The following TMEM232 variants were observed in gnomAD, a reference collection of about 807,000 sequenced individuals.
The protein encoded by TMEM232 is transmembrane protein 232.
In TMEM232, 80 loss-of-function variants were observed where a neutral mutation model predicts 78.8. The observed-to-expected ratio is 1.01, with a 90% CI of 0.85 to 1.22. The LOEUF is 1.22. TMEM232 is among the 50% of genes most tolerant of loss of function. The pLI is 0.00. For missense variants in TMEM232, 881 were observed against 742.2 expected (o/e 1.19, Z -2.17); for synonymous variants, 297 against 254.3 (o/e 1.17, Z -1.60).
intron 2 of TMEM232, among the ~76,000 whole-genome samples, chr5:110,660,963 A>G (rs1789697907): frequency 6.6e-6 from 1 of 152,174 alleles, no homozygotes; most frequent in Non-Finnish European, 1.5e-5. Flanking sequence ...TGTTGTCCCC[A>G]TTAACCAACC....
chr5:110,432,002 G>A (rs1401707300), intron 12 of TMEM232, among the ~76,000 whole-genome samples: 1 of 151,702 alleles, frequency 6.6e-6, no homozygotes. Context: ...AATACTTTAA[G>A]TATTTAAAAA....
chr5:110,620,989 A>AT (rs1783673126), intron 7 of TMEM232, among the ~76,000 whole-genome samples: 1 of 150,310 alleles, frequency 6.7e-6, no homozygotes, highest in Non-Finnish European at 1.5e-5. Flanking sequence ...CAGCCTGCCA[A>AT]GTAGCTGGGA....
At chr5:110,457,585 A>C (rs1303040359) in intron 12 of TMEM232, among the ~76,000 whole-genome samples, 2 of 152,236 alleles carry the variant, frequency 1.3e-5, no homozygotes, top group African/African-American at 4.8e-5. Context: ...ATCAAAAAAA[A>C]CTGGAAATCA....
At chr5:110,398,287 T>A (rs1353629963) in intron 2 of TMEM232, among the ~76,000 whole-genome samples, 3 of 152,140 alleles carry the variant, frequency 2.0e-5, no homozygotes, top group Non-Finnish European at 4.4e-5. Context: ...CTAATGTGTA[T>A]AACAAACCTC....
chr5:110,594,027 T>C (rs975952635), intron 10 of TMEM232, among the ~76,000 whole-genome samples: 10 of 152,062 alleles, frequency 6.6e-5, no homozygotes, highest in Non-Finnish European at 1.2e-4. Context: ...GATGGCCGAA[T>C]AGGAACAGCT....
At chr5:110,492,659 T>C (rs1460242456) in intron 12 of TMEM232, among the ~76,000 whole-genome samples, 1 of 151,910 alleles carries the variant, frequency 6.6e-6, no homozygotes, top group African/African-American at 2.4e-5. Context: ...TACCCAAATA[T>C]GTGGTGAGTC....
At chr5:110,445,578 C>T (rs537619823) in intron 12 of TMEM232, among the ~76,000 whole-genome samples, 1 of 152,022 alleles carries the variant, frequency 6.6e-6, no homozygotes, top group South Asian at 2.1e-4. Context: ...ACAAATTACC[C>T]CATAATTAAC....
rs146702551 is a variant in TMEM232 at position 110,733,599 on chromosome 5, G to A, written c.-13+1304C>T. ...ACGCAGGAACAGAAAACAAAATACC[G>A]CATGTTCTCACTTATAAGTGGAAGC... On this transcript the variant is annotated intron_variant, in intron 2 of 4. Transcript: ENST00000512886. Among the ~76,000 whole-genome samples, 1,017 of 152,192 alleles carry A rather than the reference G, an allele frequency of 6.7e-3. 16 individuals carry two copies. Among genetic ancestry groups the A allele is most frequent in the African/African-American group, 0.024 (984 of 41,514 alleles).
At chr5:110,719,192 T>C (rs189253813) in intron 1 of TMEM232, among the ~76,000 whole-genome samples, 1 of 151,978 alleles carries the variant, frequency 6.6e-6, no homozygotes, top group East Asian at 1.9e-4. Flanking sequence ...TATACATGTA[T>C]ATATGTATAT....
intron 2 of TMEM232, among the ~76,000 whole-genome samples, chr5:110,400,722 CATTTATGGGAACAATG>C (rs1253683677): frequency 1.3e-5 from 2 of 152,050 alleles, no homozygotes; most frequent in Non-Finnish European, 2.9e-5. Flanking sequence ...AGTGTAGTGG[CATTTATGGGAACAATG>C]ATTTTCAAGA....
chr5:110,522,879 G>A (rs1769756441), intron 12 of TMEM232, among the ~76,000 whole-genome samples: 1 of 152,078 alleles, frequency 6.6e-6, no homozygotes. Context: ...TAATTCTCCT[G>A]TGGTGTCTTT....
chr5:110,495,969 G>T (rs2149431269), intron 12 of TMEM232, among the ~76,000 whole-genome samples: 1 of 151,004 alleles, frequency 6.6e-6, no homozygotes, highest in Middle Eastern at 3.6e-3. Context: ...AGCATTTCAT[G>T]CACAGAGGCA....
chr5:110,692,621 C>T (rs764551517), intron 1 of TMEM232, among the ~76,000 whole-genome samples: 12 of 152,200 alleles, frequency 7.9e-5, no homozygotes, highest in Admixed American at 3.3e-4. Flanking sequence ...GCTTTTCCAA[C>T]GGGCTTAACA....
intron 2 of TMEM232, among the ~76,000 whole-genome samples, chr5:110,648,971 G>A (rs1184162267): frequency 1.3e-5 from 2 of 152,052 alleles, no homozygotes; most frequent in Non-Finnish European, 2.9e-5. Flanking sequence ...AACAGTTGCT[G>A]GTGTGCTGGC....
chr5:110,388,793 G>A (rs1040596956), intron 4 of TMEM232, among the ~76,000 whole-genome samples: 4 of 152,202 alleles, frequency 2.6e-5, no homozygotes, highest in African/African-American at 9.7e-5. Context: ...GATAGGTAAA[G>A]CAGTACATGC....
At chr5:110,640,844 G>A in intron 4 of TMEM232, 47 bp downstream of exon 4, 1 of 1,323,044 alleles carries the variant, frequency 7.6e-7, no homozygotes, top group Non-Finnish European at 1.0e-6. Flanking sequence ...CTTCACTGAT[G>A]ATATAGAAAA....
At chr5:110,477,356 A>G (rs982247898) in intron 12 of TMEM232, among the ~76,000 whole-genome samples, 4 of 151,922 alleles carry the variant, frequency 2.6e-5, no homozygotes, top group African/African-American at 9.7e-5. Context: ...TACTGATATC[A>G]ACTACTATTC....
chr5:110,433,115 C>T (rs755354085), intron 12 of TMEM232, among the ~76,000 whole-genome samples: 2 of 151,646 alleles, frequency 1.3e-5, no homozygotes, highest in African/African-American at 2.4e-5. Flanking sequence ...TTAAATTTGA[C>T]ACTTGACCAA....
chr5:110,647,210 T>A (rs1226515336), intron 2 of TMEM232, among the ~76,000 whole-genome samples: 1 of 151,852 alleles, frequency 6.6e-6, no homozygotes, highest in Non-Finnish European at 1.5e-5. Context: ...TTGTGAAAAA[T>A]AAAATTTATT....
Sources: allele counts gnomAD v4.1 joint callset (sites outside exome capture counted in the v4.1 genomes callset), GRCh38; gene constraint gnomAD v4.1.1; transcripts MANE v1.5; gene names NCBI Gene and HGNC (gene_info 2026-07-23, HGNC 2026-07-21).